SEMA5A: variants seen among roughly 807,000 people sequenced by gnomAD.
SEMA5A encodes the protein semaphorin 5A, also known as semaphorin-5A.
SEMA5A carries 55 observed loss-of-function variants against 135.5 expected under a neutral mutation model. The ratio of observed to expected loss-of-function variants is 0.41; its 90% confidence interval spans 0.33 to 0.51. The LOEUF (loss-of-function observed/expected upper bound fraction) is 0.51, where lower values mean the gene tolerates loss of function less well. Ranked by LOEUF, SEMA5A falls within the 20% of genes least tolerant of loss-of-function variation. The pLI is 0.37. For missense variants in SEMA5A, 1,290 were observed against 1,419.9 expected, an observed-to-expected ratio of 0.91 and a Z score of 1.47; for synonymous variants, 580 against 546.5, an observed-to-expected ratio of 1.06 and a Z score of -0.85.
chr5:9,282,901 G>T (rs983621442), intron 5 of SEMA5A, among the ~76,000 whole-genome samples: 5 of 152,078 alleles, frequency 3.3e-5, no homozygotes, highest in African/African-American at 9.7e-5. Flanking sequence ...GCTGTTAATC[G>T]ATTGAGCCAT....
intron 12 of SEMA5A, among the ~76,000 whole-genome samples, chr5:9,145,536 C>T (rs888071127): frequency 6.6e-6 from 1 of 152,044 alleles, no homozygotes; most frequent in Admixed American, 6.6e-5. Flanking sequence ...GGGTCTGGAG[C>T]CAAGAAGTGG....
chr5:9,471,097 G>A (rs928366284), intron 1 of SEMA5A, among the ~76,000 whole-genome samples: 2 of 152,140 alleles, frequency 1.3e-5, no homozygotes, highest in Admixed American at 1.3e-4. Context: ...AACTGACTCT[G>A]CTTTCTGCCT....
intron 1 of SEMA5A, among the ~76,000 whole-genome samples, chr5:9,478,022 C>T (rs748050999): frequency 3.9e-5 from 6 of 152,190 alleles, no homozygotes; most frequent in Non-Finnish European, 5.9e-5. Context: ...ACATGATGCG[C>T]TGTATCCCAG....
At chr5:9,133,580 A>C (rs1579453235) in intron 13 of SEMA5A, among the ~76,000 whole-genome samples, 1 of 152,132 alleles carries the variant, frequency 6.6e-6, no homozygotes, top group South Asian at 2.1e-4. Flanking sequence ...ATCACATCTC[A>C]GCTTTATTTT....
intron 8 of SEMA5A, among the ~76,000 whole-genome samples, chr5:9,220,057 A>G (rs2150405075): frequency 6.6e-6 from 1 of 152,338 alleles, no homozygotes; most frequent in African/African-American, 2.4e-5. Flanking sequence ...TTTTGCATCA[A>G]CTTGGAAGGA....
intron 1 of SEMA5A, among the ~76,000 whole-genome samples, chr5:9,531,594 G>A (rs1737442445): frequency 6.6e-6 from 1 of 152,124 alleles, no homozygotes; most frequent in Non-Finnish European, 1.5e-5. Flanking sequence ...TCTGCCCTGA[G>A]GTTCCTAGGA....
intron 10 of SEMA5A, among the ~76,000 whole-genome samples, chr5:9,194,609 A>T (rs1175445129): frequency 6.6e-6 from 1 of 152,258 alleles, no homozygotes; most frequent in Non-Finnish European, 1.5e-5. Flanking sequence ...TATCAAATAG[A>T]GTAAACATAA....
At chr5:9,426,438 A>AC (rs1561243578) in intron 2 of SEMA5A, among the ~76,000 whole-genome samples, 58 of 137,774 alleles carry the variant, frequency 4.2e-4, no homozygotes, top group African/African-American at 1.6e-3. Context: ...AAAATAAATA[A>AC]AATAAAATAA....
chr5:9,347,956 C>T (rs763270646), intron 3 of SEMA5A, among the ~76,000 whole-genome samples: 21 of 152,110 alleles, frequency 1.4e-4, no homozygotes, highest in Non-Finnish European at 2.2e-4. Flanking sequence ...TAATAAATTC[C>T]ACTGTTACCC....
At chr5:9,054,049 TTGTC>T (rs752285888) in intron 19 of SEMA5A, 34 bp downstream of exon 19, 1 of 1,562,742 alleles carries the variant, frequency 6.4e-7, no homozygotes, top group Admixed American at 1.9e-5. Context: ...AGAGGCCAAT[TTGTC>T]TGAAAGCTGT....
At chr5:9,172,209 C>A (rs892149336) in intron 11 of SEMA5A, among the ~76,000 whole-genome samples, 1 of 152,162 alleles carries the variant, frequency 6.6e-6, no homozygotes, top group Non-Finnish European at 1.5e-5. Context: ...CCAATCCGTG[C>A]ACAGAGAAAT....
intron 2 of SEMA5A, among the ~76,000 whole-genome samples, chr5:9,394,489 T>C (rs190740179): frequency 1.5e-3 from 226 of 152,294 alleles, no homozygotes; most frequent in African/African-American, 5.3e-3. Flanking sequence ...CCTGGCCTGC[T>C]TGTTACTGTG....
In SEMA5A at chr5:9,071,711, G is replaced by A. The variant is rs908005614; in HGVS notation, c.2074-5065C>T. 3.1e-4 allele frequency among the ~76,000 whole-genome samples: 47 copies of A among 152,236 alleles called. 1 individual carries two copies. Among genetic ancestry groups the A allele is most frequent in the African/African-American group, 1.1e-3 (46 of 41,532 alleles). On this transcript the variant is annotated intron_variant, in intron 16 of 22. Transcript: ENST00000382496. ...GCAGAATTTTGATACCACATGCTCAGAGTGAAGCCCAAAAATTACCCTTCA... is the reference window on the plus strand; with the variant it reads ...GCAGAATTTTGATACCACATGCTCAAAGTGAAGCCCAAAAATTACCCTTCA...
intron 11 of SEMA5A, among the ~76,000 whole-genome samples, chr5:9,163,266 A>T (rs1207180986): frequency 2.7e-5 from 3 of 111,954 alleles, no homozygotes; most frequent in African/African-American, 1.3e-4. Context: ...GTTTCATTTA[A>T]AAAAAAAAAG....
intron 2 of SEMA5A, among the ~76,000 whole-genome samples, chr5:9,419,780 T>C (rs77268452): frequency 5.9e-5 from 9 of 152,318 alleles, no homozygotes; most frequent in East Asian, 1.9e-4. Flanking sequence ...TCAAGAATCA[T>C]TGTATGACAA....
At chr5:9,170,382 C>T (rs573567910) in intron 11 of SEMA5A, among the ~76,000 whole-genome samples, 1 of 152,232 alleles carries the variant, frequency 6.6e-6, no homozygotes, top group South Asian at 2.1e-4. Flanking sequence ...CCAACATGTA[C>T]ATGTTATAGG....
At chr5:9,197,016 G>T in intron 10 of SEMA5A, 152 bp downstream of exon 10, 1 of 1,093,402 alleles carries the variant, frequency 9.1e-7, no homozygotes, top group Non-Finnish European at 1.3e-6. Context: ...ATTGACATTA[G>T]CCAGCAGAGT....
chr5:9,122,920 G>C lies in SEMA5A; in HGVS notation c.1600-83C>G, dbSNP rs73045661. ...AGTAAAAATTAAAAATCCCTCATAAGACAATCAAAACTCCTCTAGAATTTG... is the reference window on the plus strand; with the variant it reads ...AGTAAAAATTAAAAATCCCTCATAACACAATCAAAACTCCTCTAGAATTTG... On this transcript the variant is annotated intron_variant, in intron 13 of 22. Transcript: ENST00000382496. The C allele has an allele frequency of 1.8e-3, 2,321 of 1,265,274 alleles. 28 individuals are homozygous for C. The East Asian group carries it at 0.025, about 14-fold the overall frequency. The allele number at this position is 1,265,274 out of a possible 1,614,324, so 78.4% of individuals were successfully genotyped here. A position where few individuals can be genotyped will look rare whatever the true frequency, so the allele number is the denominator to read the frequency against.
At chr5:9,146,058 G>A (rs930221137) in intron 12 of SEMA5A, among the ~76,000 whole-genome samples, 10 of 152,126 alleles carry the variant, frequency 6.6e-5, no homozygotes, top group African/African-American at 2.2e-4. Flanking sequence ...AACACACATT[G>A]CCATTTAGAG....
Sources: gnomAD v4.1 joint callset for allele counts (sites outside exome capture counted in the v4.1 genomes callset) on GRCh38, gnomAD v4.1.1 for gene constraint, MANE v1.5 for transcripts, NCBI Gene and HGNC (gene_info 2026-07-23, HGNC 2026-07-21) for gene names.